The following BMPER variants were observed in gnomAD, a reference collection of about 807,000 sequenced individuals.
BMPER encodes the protein BMP-binding endothelial regulator protein.
A neutral mutation model predicts 87.3 loss-of-function variants in BMPER; 45 were observed. That is an observed-to-expected ratio of 0.52 (90% CI 0.41 to 0.66). The LOEUF (loss-of-function observed/expected upper bound fraction) is 0.66, where lower values mean the gene tolerates loss of function less well. BMPER is among the 30% of genes least tolerant of loss of function. BMPER has a pLI of 0.00. For synonymous variants in BMPER, 326 were observed against 316.2 expected (o/e 1.03, Z -0.33); for missense variants, 784 against 867.5 (o/e 0.90, Z 1.21).
At chr7:34,139,832 C>T (rs563500374) in intron 13 of BMPER, among the ~76,000 whole-genome samples, 58 of 152,214 alleles carry the variant, frequency 3.8e-4, no homozygotes, top group African/African-American at 1.1e-3. Flanking sequence ...TTATCTAGCT[C>T]GGCCCTTATT....
At chr7:34,013,294 C>T (rs923695735) in intron 6 of BMPER, among the ~76,000 whole-genome samples, 1 of 151,580 alleles carries the variant, frequency 6.6e-6, no homozygotes, top group Non-Finnish European at 1.5e-5. Context: ...TCTGTCCTGT[C>T]CCCCACTCAC....
intron 6 of BMPER, among the ~76,000 whole-genome samples, chr7:33,976,031 T>A (rs1785678591): frequency 1.3e-5 from 2 of 152,144 alleles, no homozygotes; most frequent in Admixed American, 1.3e-4. Context: ...ATACATCAGG[T>A]ATATAATAAT....
intron 13 of BMPER, among the ~76,000 whole-genome samples, chr7:34,089,898 A>G: frequency 6.6e-6 from 1 of 152,348 alleles, no homozygotes; most frequent in Non-Finnish European, 1.5e-5. Flanking sequence ...TTTGTAAATG[A>G]ATGAGAAATT....
At chr7:34,029,452 A>G (rs559554178) in intron 6 of BMPER, among the ~76,000 whole-genome samples, 1 of 152,190 alleles carries the variant, frequency 6.6e-6, no homozygotes, top group East Asian at 1.9e-4. Context: ...GAAGGGAGCT[A>G]GCTCTTGCTG....
chr7:33,981,958 C>T (rs1562667395), intron 6 of BMPER, among the ~76,000 whole-genome samples: 1 of 152,146 alleles, frequency 6.6e-6, no homozygotes, highest in Non-Finnish European at 1.5e-5. Flanking sequence ...AAGCAGTCAC[C>T]AACAATCAGG....
intron 14 of BMPER, among the ~76,000 whole-genome samples, chr7:34,145,789 C>G (rs13241089): frequency 0.75 from 113,431 of 152,042 alleles, 43,020 homozygotes; most frequent in East Asian, 0.91. Flanking sequence ...CTTCCTGGCC[C>G]AGAGCTATAC....
intron 3 of BMPER, among the ~76,000 whole-genome samples, chr7:33,946,736 T>C (rs1258335096): frequency 6.6e-6 from 1 of 152,218 alleles, no homozygotes; most frequent in Non-Finnish European, 1.5e-5. Context: ...GATGCTGATA[T>C]TGAAAAGGCA....
chr7:34,004,963 T>C lies in BMPER; in HGVS notation c.576+30179T>C, dbSNP rs1786686323. ...TATGTAGGAGCTTCTCAAAGCCCCC[T>C]ATAGACATCCTTAAATATTTTACTC... is the stretch of plus-strand genomic sequence containing the variant. On this transcript the variant is annotated intron_variant, in intron 6 of 14. Transcript: ENST00000649409. Among the ~76,000 whole-genome samples, 3 of 152,162 alleles carry C rather than the reference T, an allele frequency of 2.0e-5. No individual in the cohort carries two copies. In the South Asian group the frequency reaches 6.2e-4, roughly 31 times the overall value.
intron 2 of BMPER, among the ~76,000 whole-genome samples, chr7:33,936,128 A>G (rs760938021): frequency 6.6e-5 from 10 of 152,154 alleles, no homozygotes; most frequent in Non-Finnish European, 1.5e-4. Flanking sequence ...TCTTAGTCTC[A>G]TGACATGGAG....
chr7:33,910,310 G>A (rs1435581079), intron 2 of BMPER, among the ~76,000 whole-genome samples: 1 of 152,176 alleles, frequency 6.6e-6, no homozygotes, highest in Non-Finnish European at 1.5e-5. Context: ...TTCCCATAAT[G>A]TCTAGGAAAA....
Position 33,974,717 on chromosome 7 carries a change from G to T in BMPER, c.509G>T (p.Gly170Val). The T allele has an allele frequency of 6.2e-7, 1 of 1,614,054 alleles. No individual in the cohort carries two copies. Among genetic ancestry groups the T allele is most frequent in the Non-Finnish European group, 8.5e-7 (1 of 1,179,986 alleles). Residue 170 changes from glycine (G) to valine (V), a missense_variant, in exon 6 of 15, where the codon GGT becomes GTT. Transcript: ENST00000649409. Reference protein sequence around the residue: ...CPTCPGCVFEGVQYQEGEEFQ... With the variant: ...CPTCPGCVFEVVQYQEGEEFQ... ...TGCTTTCCAGGCTGTGTGTTTGAGGGTGTGCAGTATCAAGAAGGGGAGGAA... is the reference window on the plus strand; with the variant it reads ...TGCTTTCCAGGCTGTGTGTTTGAGGTTGTGCAGTATCAAGAAGGGGAGGAA...
At chr7:34,005,047 A>G (rs1786688041) in intron 6 of BMPER, among the ~76,000 whole-genome samples, 1 of 152,090 alleles carries the variant, frequency 6.6e-6, no homozygotes, top group Admixed American at 6.6e-5. Flanking sequence ...TTAAACAATT[A>G]CCACTGATAG....
At chr7:34,070,741 C>T (rs1585799665) in intron 11 of BMPER, among the ~76,000 whole-genome samples, 1 of 151,582 alleles carries the variant, frequency 6.6e-6, no homozygotes, top group Admixed American at 6.6e-5. Context: ...ATTCTCAGAG[C>T]CCTTAATATG....
intron 3 of BMPER, among the ~76,000 whole-genome samples, chr7:33,941,863 T>C (rs1027452723): frequency 6.6e-6 from 1 of 152,162 alleles, no homozygotes; most frequent in Non-Finnish European, 1.5e-5. Context: ...CTTAACACAT[T>C]GTAACAGGAG....
intron 3 of BMPER, among the ~76,000 whole-genome samples, chr7:33,941,841 G>A (rs1227911763): frequency 1.3e-5 from 2 of 152,142 alleles, no homozygotes; most frequent in Admixed American, 6.5e-5. Context: ...GGCAGGGGTT[G>A]GGGACCCTTG....
In BMPER at chr7:34,119,014, T is replaced by TCTCACACACACACACACACACA. The variant is rs66493349; in HGVS notation, c.1746-24215_1746-24214insTCACACACACACACACACACAC. On this transcript the variant is annotated intron_variant, in intron 13 of 14. Coordinates refer to ENST00000649409, the MANE Select transcript of BMPER (RefSeq NM_001365308.1). Reference sequence around the variant, plus strand: ...CTCTCACTGTCTCTCTCTCTCTCTCTCACACACACACACACACACACACGC... The same window carrying TCTCACACACACACACACACACA: ...CTCTCACTGTCTCTCTCTCTCTCTCTCTCACACACACACACACACACACACACACACACACACACACACACGC... Among the ~76,000 whole-genome samples the TCTCACACACACACACACACACA allele has an allele frequency of 1.9e-3, 255 of 135,776 alleles. 3 individuals carry two copies. Among genetic ancestry groups the TCTCACACACACACACACACACA allele is most frequent in the Middle Eastern group, 0.018 (5 of 276 alleles). The allele number at this position is 135,776 out of a possible 152,430, so 89.1% of individuals were successfully genotyped here. A position where few individuals can be genotyped will look rare whatever the true frequency, so the allele number is the denominator to read the frequency against.
chr7:34,110,330 T>C (rs1045140058), intron 13 of BMPER, among the ~76,000 whole-genome samples: 6 of 152,180 alleles, frequency 3.9e-5, no homozygotes, highest in African/African-American at 1.4e-4. Flanking sequence ...ACCTGCTCAG[T>C]GTCTGTATTT....
intron 13 of BMPER, among the ~76,000 whole-genome samples, chr7:34,132,143 T>C (rs1790608318): frequency 6.6e-6 from 1 of 152,166 alleles, no homozygotes; most frequent in Admixed American, 6.5e-5. Flanking sequence ...TCGAGTAGAT[T>C]ATGCCGTGGG....
chr7:33,961,242 G>A (rs770367408), intron 3 of BMPER, among the ~76,000 whole-genome samples: 1 of 152,140 alleles, frequency 6.6e-6, no homozygotes, highest in South Asian at 2.1e-4. Flanking sequence ...GCCAGGCCCG[G>A]GATATCTTTG....
Sources: gnomAD v4.1 joint callset for allele counts (sites outside exome capture counted in the v4.1 genomes callset) on GRCh38, gnomAD v4.1.1 for gene constraint, MANE v1.5 for transcripts, NCBI Gene and HGNC (gene_info 2026-07-23, HGNC 2026-07-21) for gene names.